GALNT13: variants seen among roughly 807,000 people sequenced by gnomAD.
GALNT13 encodes the protein UDP-GalNAc:polypeptide N-acetylgalactosaminyltransferase 13.
Under a neutral mutation model 64.2 loss-of-function variants are expected in GALNT13, and 28 were observed. That is an observed-to-expected ratio of 0.44 (90% confidence interval 0.32 to 0.60). GALNT13 has a LOEUF of 0.60. Among genes scored for constraint, GALNT13 ranks in the 20% least tolerant of loss-of-function variants. The pLI, the probability that GALNT13 is intolerant of heterozygous loss-of-function variation, is 0.05. For synonymous variants in GALNT13, 214 were observed against 224.6 expected, an observed-to-expected ratio of 0.95 and a Z score of 0.42; for missense variants, 577 against 669.8, an observed-to-expected ratio of 0.86 and a Z score of 1.53.
At chr2:154,000,331 T>C (rs1345808326) in intron 3 of GALNT13, among the ~76,000 whole-genome samples, 2 of 152,036 alleles carry the variant, frequency 1.3e-5, no homozygotes, top group Admixed American at 6.6e-5. Context: ...ATATTTGTTA[T>C]TTCTTCCCTT....
At chr2:154,113,479 T>A (rs1256323543) in intron 3 of GALNT13, among the ~76,000 whole-genome samples, 1 of 152,222 alleles carries the variant, frequency 6.6e-6, no homozygotes, top group African/African-American at 2.4e-5. Flanking sequence ...GCGTTGTGCC[T>A]CTTTCTTGCT....
chr2:154,292,402 A>G (rs772789202), intron 8 of GALNT13, among the ~76,000 whole-genome samples: 2 of 152,206 alleles, frequency 1.3e-5, no homozygotes, highest in African/African-American at 4.8e-5. Context: ...GATTGTTGCA[A>G]TAACTCCTCA....
chr2:154,367,081 A>T (rs1412432105), intron 9 of GALNT13, among the ~76,000 whole-genome samples: 1 of 152,154 alleles, frequency 6.6e-6, no homozygotes, highest in Non-Finnish European at 1.5e-5. Flanking sequence ...TTTAAAAAAA[A>T]ATTGAAATTA....
the GALNT13 span, among the ~76,000 whole-genome samples, chr2:153,840,814 A>G: frequency 1.3e-5 from 2 of 152,188 alleles, no homozygotes; most frequent in African/African-American, 4.8e-5. Flanking sequence ...AATGTTGCTC[A>G]TTGGACAAAC....
the GALNT13 span, among the ~76,000 whole-genome samples, chr2:153,630,811 T>TATTTA: frequency 3.9e-5 from 1 of 25,834 alleles, no homozygotes; most frequent in African/African-American, 1.2e-4. Context: ...ATATATATTT[T>TATTTA]TTTTTTTTTT....
the GALNT13 span, among the ~76,000 whole-genome samples, chr2:153,739,548 TTTTA>T: frequency 2.6e-5 from 3 of 114,810 alleles, no homozygotes; most frequent in Admixed American, 1.0e-4. Context: ...ATGTATTTAT[TTTTA>T]TTTATTTATT....
At chr2:153,693,783 C>T in the GALNT13 span, among the ~76,000 whole-genome samples, 1 of 151,978 alleles carries the variant, frequency 6.6e-6, no homozygotes, top group South Asian at 2.1e-4. Flanking sequence ...GGCAGTTATG[C>T]ATTCATCTCA....
At chr2:154,035,682 G>T (rs1365765100) in intron 3 of GALNT13, among the ~76,000 whole-genome samples, 1 of 151,972 alleles carries the variant, frequency 6.6e-6, no homozygotes, top group Non-Finnish European at 1.5e-5. Flanking sequence ...TTGGAACATA[G>T]TAGACCTCTG....
intron 11 of GALNT13, among the ~76,000 whole-genome samples, chr2:154,409,708 C>A (rs1301432482): frequency 6.6e-6 from 1 of 151,834 alleles, no homozygotes; most frequent in East Asian, 1.9e-4. Flanking sequence ...ATTTGGAGTT[C>A]CTGGGAACTA....
the GALNT13 span, among the ~76,000 whole-genome samples, chr2:153,438,704 G>A: frequency 6.6e-6 from 1 of 152,148 alleles, no homozygotes; most frequent in South Asian, 2.1e-4. Context: ...TCTCTGCATT[G>A]GTTATTCTAG....
At chr2:153,420,887 G>A in the GALNT13 span, 1 of 234,426 alleles carries the variant, frequency 4.3e-6, no homozygotes, top group Admixed American at 4.5e-5. Flanking sequence ...TGCTCAGCAT[G>A]CACGCAGCTC....
At chr2:153,404,601 A>G in the GALNT13 span, among the ~76,000 whole-genome samples, 1 of 152,164 alleles carries the variant, frequency 6.6e-6, no homozygotes, top group South Asian at 2.1e-4. Flanking sequence ...ATTAGTCTAC[A>G]TCATTTCTCT....
At chr2:153,707,620 TGA>T in the GALNT13 span, among the ~76,000 whole-genome samples, 1 of 152,200 alleles carries the variant, frequency 6.6e-6, no homozygotes, top group African/African-American at 2.4e-5. Flanking sequence ...CAAGCTCACT[TGA>T]GAGAGTCACT....
intron 3 of GALNT13, among the ~76,000 whole-genome samples, chr2:154,061,769 T>G (rs1415609575): frequency 6.6e-6 from 1 of 152,162 alleles, no homozygotes; most frequent in Admixed American, 6.5e-5. Context: ...ATTTTTTGGC[T>G]TTATGTTTGT....
the GALNT13 span, among the ~76,000 whole-genome samples, chr2:153,828,726 T>A: frequency 9.9e-5 from 15 of 152,216 alleles, no homozygotes; most frequent in Non-Finnish European, 1.9e-4. Flanking sequence ...CTTATGCAAA[T>A]TTCTGCAGCT....
In GALNT13 at chr2:154,243,017, A is replaced by G. The variant is rs111688160; in HGVS notation, c.686+112A>G. 12 of 856,462 alleles carry G rather than the reference A, an allele frequency of 1.4e-5. No individual in the cohort carries two copies. The African/African-American group carries it at 2.1e-4, about 15-fold the overall frequency. 53.1% of individuals were successfully genotyped at this position (856,462 alleles called of 1,614,324 possible). ...TTGCTATTTTTAGAAGGTTTATTTT[A>G]TAGCTTTTCTTAAAAGCACGTTTTC... On this transcript the variant is annotated intron_variant, in intron 6 of 12. Coordinates refer to ENST00000392825, the MANE Select transcript of GALNT13 (RefSeq NM_052917.4).
chr2:153,306,449 C>T, the GALNT13 span, among the ~76,000 whole-genome samples: 3 of 152,102 alleles, frequency 2.0e-5, no homozygotes, highest in Non-Finnish European at 4.4e-5. Flanking sequence ...CAACTAGCAT[C>T]GAATTTCCAG....
At chr2:153,561,641 CTGTGTGTGTGTG>C in the GALNT13 span, among the ~76,000 whole-genome samples, 2 of 146,470 alleles carry the variant, frequency 1.4e-5, no homozygotes, top group Non-Finnish European at 3.0e-5. Context: ...GATGTTCAAC[CTGTGTGTGTGTG>C]TGTGTGTGTG....
At chr2:153,833,930 T>C in the GALNT13 span, among the ~76,000 whole-genome samples, 5 of 152,276 alleles carry the variant, frequency 3.3e-5, no homozygotes, top group African/African-American at 9.6e-5. Context: ...TAGTATAATA[T>C]TGGACAGCCA....
Sources: allele counts gnomAD v4.1 joint callset (sites outside exome capture counted in the v4.1 genomes callset), GRCh38; gene constraint gnomAD v4.1.1; transcripts MANE v1.5; gene names NCBI Gene and HGNC (gene_info 2026-07-23, HGNC 2026-07-21).